Variants in ATP9A observed in about 807,000 individuals in gnomAD.
The protein encoded by ATP9A is probable phospholipid-transporting ATPase IIA.
Under a neutral mutation model 144.1 loss-of-function variants are expected in ATP9A, and 52 were observed. That is an observed-to-expected ratio of 0.36 (90% CI 0.29 to 0.45). The LOEUF is 0.45. Among genes scored for constraint, ATP9A ranks in the 20% least tolerant of loss-of-function variants. ATP9A has a pLI of 1.00. For synonymous variants in ATP9A, 582 were observed against 557.4 expected (o/e 1.04, Z -0.62); for missense variants, 947 against 1,392.7 (o/e 0.68, Z 5.09).
rs770026971 is a variant in ATP9A at position 51,618,969 on chromosome 20, C to G, written c.2190G>C (p.Ser730=). The G allele has an allele frequency of 3.7e-6, 6 of 1,614,144 alleles. No individual in the cohort carries two copies. The highest frequency in any genetic ancestry group is 3.3e-5 in the Admixed American group (2 of 60,024). The part of the protein sequence containing the change: ...RRKHDCALVI[S]GDSLEVCLKY... ...CCAAGCTCACCTCCAGGGAGTCTCC[C>G]GAGATGACCAGGGCACAATCATGCT... Residue 730 remains serine (S), a synonymous_variant, in exon 20 of 28, where the codon TCG becomes TCC. Transcript: ENST00000338821.
At chr20:51,766,771 C>A (rs1337280209) in intron 1 of ATP9A, among the ~76,000 whole-genome samples, 1 of 151,846 alleles carries the variant, frequency 6.6e-6, no homozygotes, top group African/African-American at 2.4e-5. Context: ...ACCCGGGAGG[C>A]GGAGGTTGCA....
At chr20:51,695,200 C>T (rs1393920907) in intron 6 of ATP9A, among the ~76,000 whole-genome samples, 4 of 152,092 alleles carry the variant, frequency 2.6e-5, no homozygotes, top group Admixed American at 6.5e-5. Context: ...AAAACTAAGG[C>T]CATTTTGGCC....
chr20:51,693,981 T>C lies in ATP9A; in HGVS notation c.642+27A>G, dbSNP rs750491592. On this transcript the variant is annotated intron_variant, in intron 7 of 27. Coordinates refer to ENST00000338821, the MANE Select transcript of ATP9A (RefSeq NM_006045.3). ...ACCCTGCTAAGATAGGTTGCCCGCA[T>C]GGGCTTCTGCAGGGAAAGCTACTCA... The C allele has an allele frequency of 2.5e-6, 4 of 1,599,656 alleles. No homozygotes were observed. The African/African-American group carries it at 4.0e-5, about 16-fold the overall frequency.
intron 1 of ATP9A, among the ~76,000 whole-genome samples, chr20:51,767,073 C>CTT (rs10574254): frequency 2.8e-5 from 4 of 140,742 alleles, no homozygotes; most frequent in African/African-American, 7.9e-5. Context: ...CAGCACCATT[C>CTT]TTTTTTTTTT....
intron 14 of ATP9A, among the ~76,000 whole-genome samples, chr20:51,652,734 T>C (rs2077371424): frequency 6.6e-6 from 1 of 152,198 alleles, no homozygotes; most frequent in South Asian, 2.1e-4. Flanking sequence ...TACTTTTTAC[T>C]TTTCTGATCA....
intron 14 of ATP9A, among the ~76,000 whole-genome samples, chr20:51,643,899 G>A (rs1181901871): frequency 1.3e-5 from 2 of 152,154 alleles, no homozygotes; most frequent in East Asian, 3.8e-4. Flanking sequence ...ACTTTGGGAG[G>A]CCGAGGCAGG....
At chr20:51,652,186 G>A (rs1404665822) in intron 14 of ATP9A, among the ~76,000 whole-genome samples, 1 of 152,252 alleles carries the variant, frequency 6.6e-6, no homozygotes, top group African/African-American at 2.4e-5. Flanking sequence ...CATCTGAGCA[G>A]TGCTCCGCTC....
chr20:51,672,178 G>C (rs749526740), intron 11 of ATP9A, among the ~76,000 whole-genome samples: 1 of 152,002 alleles, frequency 6.6e-6, no homozygotes, highest in Non-Finnish European at 1.5e-5. Flanking sequence ...TATTTTTCTG[G>C]CTTATTTTGC....
intron 1 of ATP9A, 68 bp from the exon 2 acceptor site, chr20:51,730,046 T>A (rs2077733835): frequency 7.3e-7 from 1 of 1,376,124 alleles, no homozygotes; most frequent in African/African-American, 1.5e-5. Context: ...GTCTGCCCAC[T>A]CTTCGCAGAT....
chr20:51,681,508 GC>G (rs2077499766), intron 9 of ATP9A, among the ~76,000 whole-genome samples: 1 of 141,486 alleles, frequency 7.1e-6, no homozygotes, highest in African/African-American at 2.7e-5. Context: ...TACAACCTCC[GC>G]CTCCCAGGTT....
rs777886722 is a variant in ATP9A at position 51,727,295 on chromosome 20, C to T, written c.214-1363G>A. ...ATCTCAAAAAAAAAAAAAGTTACGTCCACAGCATGTCCAGACGTGGTGGTA... is the reference window on the plus strand; with the variant it reads ...ATCTCAAAAAAAAAAAAAGTTACGTTCACAGCATGTCCAGACGTGGTGGTA... On this transcript the variant is annotated intron_variant, in intron 2 of 27. Transcript: ENST00000338821. 1.0e-3 allele frequency among the ~76,000 whole-genome samples: 156 copies of T among 151,254 alleles called. 1 individual carries two copies. The highest frequency in any genetic ancestry group is 1.0e-3 in the South Asian group (5 of 4,764).
intron 1 of ATP9A, among the ~76,000 whole-genome samples, chr20:51,733,655 G>A (rs1019063039): frequency 9.3e-5 from 14 of 150,746 alleles, no homozygotes; most frequent in African/African-American, 3.2e-4. Context: ...TTACAGGCGT[G>A]AGCCACTGTA....
intron 3 of ATP9A, 125 bp downstream of exon 3, chr20:51,725,694 G>A: frequency 3.0e-6 from 2 of 677,028 alleles, no homozygotes; most frequent in Non-Finnish European, 2.6e-6. Flanking sequence ...CCAATGTATT[G>A]GCCTAAGGGC....
rs535939839 is a variant in ATP9A, at chr20:51,599,633, A to G, written c.*1578T>C. ...CTAGAACATTTTAAAAGGACAACACAAAATACAAAAGCTTATCAAGAGTGC... is the reference window on the plus strand; with the variant it reads ...CTAGAACATTTTAAAAGGACAACACGAAATACAAAAGCTTATCAAGAGTGC... On this transcript the variant is annotated 3_prime_UTR_variant, in exon 28 of 28. Coordinates refer to ENST00000338821, the MANE Select transcript of ATP9A (RefSeq NM_006045.3). 6.6e-6 allele frequency: 1 copy of G among 152,344 alleles called. No homozygotes were observed. Among genetic ancestry groups the G allele is most frequent in the South Asian group, 2.1e-4 (1 of 4,828 alleles). The allele number at this position is 152,344 out of a possible 1,614,324, so 9.4% of individuals were successfully genotyped here. A position where few individuals can be genotyped will look rare whatever the true frequency, so the allele number is the denominator to read the frequency against.
At chr20:51,683,476 G>A (rs2122805407) in intron 9 of ATP9A, among the ~76,000 whole-genome samples, 1 of 152,066 alleles carries the variant, frequency 6.6e-6, no homozygotes, top group African/African-American at 2.4e-5. Flanking sequence ...GTAGAGACGG[G>A]GTTCACCGTG....
At chr20:51,682,674 T>C (rs1260304299) in intron 9 of ATP9A, among the ~76,000 whole-genome samples, 2 of 141,608 alleles carry the variant, frequency 1.4e-5, no homozygotes, top group East Asian at 2.3e-4. Flanking sequence ...TCACTGCAAC[T>C]TCTGCCTCCC....
intron 19 of ATP9A, among the ~76,000 whole-genome samples, chr20:51,619,641 G>GGCGGATCACC (rs1332554100): frequency 1.3e-5 from 2 of 151,548 alleles, no homozygotes; most frequent in Non-Finnish European, 2.9e-5. Flanking sequence ...GGCTGAGGTG[G>GGCGGATCACC]GCGGATCACC....
chr20:51,621,528 T>A (rs2077226911), intron 19 of ATP9A, among the ~76,000 whole-genome samples: 1 of 152,122 alleles, frequency 6.6e-6, no homozygotes, highest in African/African-American at 2.4e-5. Context: ...CTGGCAGCAG[T>A]TCCTGATGTG....
chr20:51,685,581 A>AAAAAG (rs111421061), intron 9 of ATP9A, among the ~76,000 whole-genome samples: 89,009 of 150,062 alleles, frequency 0.59, 26,699 homozygotes, highest in Non-Finnish European at 0.62. Flanking sequence ...AAAGAAAAGA[A>AAAAAG]AAAAGAAAAG....
Sources: gnomAD v4.1 joint callset for allele counts (sites outside exome capture counted in the v4.1 genomes callset) on GRCh38, gnomAD v4.1.1 for gene constraint, MANE v1.5 for transcripts, NCBI Gene and HGNC (gene_info 2026-07-23, HGNC 2026-07-21) for gene names.